DNM2: variants seen among roughly 807,000 people sequenced by gnomAD.
The protein encoded by DNM2 is dynamin 2, also known as dynamin-2.
DNM2 carries 15 observed loss-of-function variants against 99.0 expected under a neutral mutation model. The observed-to-expected ratio is 0.15, with a 90% CI of 0.10 to 0.23. DNM2 has a LOEUF of 0.23. Among genes scored for constraint, DNM2 ranks in the 10% least tolerant of loss-of-function variants. DNM2 has a pLI of 1.00. For synonymous variants in DNM2, 525 were observed against 481.2 expected, an observed-to-expected ratio of 1.09 and a Z score of -1.19; for missense variants, 742 against 1,189.4, an observed-to-expected ratio of 0.62 and a Z score of 5.53.
intron 8 of DNM2, 100 bp downstream of exon 8, chr19:10,793,955 A>G: frequency 5.0e-6 from 8 of 1,594,698 alleles, no homozygotes; most frequent in Admixed American, 1.7e-5. Flanking sequence ...TCAAGCTCCT[A>G]CCTCTAGGCC....
chr19:10,733,704 T>C (rs1482574055), intron 1 of DNM2, among the ~76,000 whole-genome samples: 1 of 151,394 alleles, frequency 6.6e-6, no homozygotes, highest in Non-Finnish European at 1.5e-5. Flanking sequence ...CATAACCTCT[T>C]CTCTAAAAAT....
intron 1 of DNM2, among the ~76,000 whole-genome samples, chr19:10,733,360 T>G (rs929607091): frequency 1.3e-5 from 2 of 151,584 alleles, no homozygotes; most frequent in Non-Finnish European, 2.9e-5. Flanking sequence ...GCCGGCATTT[T>G]TTTTTTATTT....
chr19:10,825,991 T>C (rs1048938698), intron 18 of DNM2, among the ~76,000 whole-genome samples: 5 of 147,052 alleles, frequency 3.4e-5, no homozygotes, highest in Middle Eastern at 4.2e-3. Context: ...GCTATGATCA[T>C]GCCACTGCAC....
chr19:10,819,947 C>T lies in DNM2; in HGVS notation c.1672-33C>T, dbSNP rs199655883. On this transcript the variant is annotated intron_variant, in intron 15 of 20. Transcript: ENST00000389253. Reference sequence around the variant, plus strand: ...GGGCATCCTGAGTTGTCACGTGGACCGCTCAGGGTGACTCTTTTCCCTCCA... The same window carrying T: ...GGGCATCCTGAGTTGTCACGTGGACTGCTCAGGGTGACTCTTTTCCCTCCA... 5.5e-4 allele frequency: 887 copies of T among 1,602,940 alleles called. 1 individual carries two copies. The highest frequency in any genetic ancestry group is 1.9e-3 in the Admixed American group (114 of 60,000).
intron 1 of DNM2, among the ~76,000 whole-genome samples, chr19:10,737,656 T>C (rs2069578801): frequency 6.6e-6 from 1 of 152,176 alleles, no homozygotes. Context: ...CGTATATTTT[T>C]GTATTTTTAG....
chr19:10,816,119 G>A lies in DNM2; in HGVS notation c.1671+3742G>A, dbSNP rs548919793. Among the ~76,000 whole-genome samples, 2 of 152,200 alleles carry A rather than the reference G, an allele frequency of 1.3e-5. No homozygotes were observed. Among genetic ancestry groups the A allele is most frequent in the East Asian group, 3.9e-4 (2 of 5,156 alleles). ...TTGCCCCACATCATGGAGCGGGGGA[G>A]GGTCCCCCTGGGGTGGAGGCTTCCC... On this transcript the variant is annotated intron_variant, in intron 15 of 20. Transcript: ENST00000389253. The surrounding 1 kb of genome is among the most constrained non-coding windows in gnomAD (Gnocchi z 4.6).
In DNM2 at chr19:10,786,704, G is replaced by A. The variant is rs1386181817; in HGVS notation, c.990G>A (p.Leu330=). Reference sequence around the variant, plus strand: ...CCACCCGCAAAACCAAAGCCCTGCTGCAGTATGTACCCCGGCACCCACCAC... The same window carrying A: ...CCACCCGCAAAACCAAAGCCCTGCTACAGTATGTACCCCGGCACCCACCAC... The part of the protein sequence containing the change: ...DDPTRKTKAL[L]QMVQQFGVDF... Residue 330 remains leucine, a splice_region_variant and synonymous_variant, in exon 7 of 21, where the codon CTG becomes CTA. Coordinates refer to ENST00000389253, the MANE Select transcript of DNM2 (RefSeq NM_001005361.3). 3.1e-6 allele frequency: 5 copies of A among 1,613,950 alleles called. No homozygotes were observed. Among genetic ancestry groups the A allele is most frequent in the Non-Finnish European group, 3.4e-6 (4 of 1,180,020 alleles).
intron 15 of DNM2, among the ~76,000 whole-genome samples, chr19:10,815,267 G>T (rs2072696287): frequency 6.6e-6 from 1 of 152,184 alleles, no homozygotes; most frequent in Non-Finnish European, 1.5e-5. Context: ...GGAAAGAAGG[G>T]CCTCTGTGTG....
intron 6 of DNM2, among the ~76,000 whole-genome samples, chr19:10,786,228 C>T (rs140102080): frequency 6.6e-6 from 1 of 152,228 alleles, no homozygotes; most frequent in Non-Finnish European, 1.5e-5. Flanking sequence ...GGGCCTGTCC[C>T]CATGTGTGTT....
Position 10,795,317 on chromosome 19 carries a change from G to A in DNM2, c.1129-55G>A. The A allele has an allele frequency of 6.3e-7, 1 of 1,587,096 alleles. No individual in the cohort carries two copies. The highest frequency in any genetic ancestry group is 1.1e-5 in the South Asian group (1 of 90,530). On this transcript the variant is annotated intron_variant, in intron 8 of 20. Coordinates refer to ENST00000389253, the MANE Select transcript of DNM2 (RefSeq NM_001005361.3). This position sits in a 1 kb window ranked among gnomAD's most constrained non-coding sequence, Gnocchi z 4.2. ...GAGAACGTTCCCCAGATGCACGCCT[G>A]CCACGGGGGCGCCCCGGGTGCCTCC... is the stretch of plus-strand genomic sequence containing the variant.
chr19:10,757,943 CAAAAAAAAAA>C (rs762600168), intron 1 of DNM2, among the ~76,000 whole-genome samples: 4 of 65,420 alleles, frequency 6.1e-5, no homozygotes, highest in Non-Finnish European at 1.4e-4. Context: ...AGCTCTGTCT[CAAAAAAAAAA>C]AAAAAAAAAA....
chr19:10,814,835 C>G (rs1417193518), intron 15 of DNM2, among the ~76,000 whole-genome samples: 3 of 152,206 alleles, frequency 2.0e-5, no homozygotes, highest in Non-Finnish European at 2.9e-5. Flanking sequence ...CAACCCGTTT[C>G]TTGCTTAATT....
At position 10,829,251 on chromosome 19, in the gene DNM2, G is replaced by A; in HGVS notation, c.2274G>A (p.Gln758=). Residue 758 remains glutamine, a synonymous_variant, in exon 19 of 21, where the codon CAG becomes CAA. Transcript: ENST00000389253. ...VPPPVDDTWL[Q]SASSHSPTPQ... ...CGCCTGTCGATGACACCTGGCTCCA[G>A]AGCGCCAGCAGCCACAGGTCCGGAA... 1 of 1,613,496 alleles carries A rather than the reference G, an allele frequency of 6.2e-7. No individual in the cohort carries two copies. Among genetic ancestry groups the A allele is most frequent in the Non-Finnish European group, 8.5e-7 (1 of 1,179,988 alleles).
chr19:10,800,931 G>C lies in DNM2; in HGVS notation c.1423-1357G>C, dbSNP rs73007578. Among the ~76,000 whole-genome samples, 554 of 152,366 alleles carry C rather than the reference G, an allele frequency of 3.6e-3. 1 individual carries two copies. The highest frequency in any genetic ancestry group is 5.1e-3 in the Non-Finnish European group (344 of 68,040). ...TGTGTGTGCGCGCGTGCACGTGCAC[G>C]TGTGTGTTTTATTTTAGTGTTCATA... On this transcript the variant is annotated intron_variant, in intron 11 of 20. Transcript: ENST00000389253.
intron 17 of DNM2, 174 bp from the exon 18 acceptor site, chr19:10,824,883 C>T: frequency 1.1e-6 from 1 of 940,140 alleles, no homozygotes; most frequent in Non-Finnish European, 1.6e-6. Context: ...CAGGGTCACC[C>T]CATTGTTTGG....
At chr19:10,748,278 G>A (rs1009436156) in intron 1 of DNM2, among the ~76,000 whole-genome samples, 7 of 152,154 alleles carry the variant, frequency 4.6e-5, no homozygotes, top group South Asian at 2.1e-4. Context: ...AGTGGGACAC[G>A]CTGACAGCCT....
At chr19:10,808,717 C>T (rs1392534777) in intron 14 of DNM2, 137 bp downstream of exon 14, 1 of 1,136,666 alleles carries the variant, frequency 8.8e-7, no homozygotes, top group Admixed American at 2.1e-5. Context: ...CTGGAAACCC[C>T]ATGCCGCAGC....
intron 1 of DNM2, among the ~76,000 whole-genome samples, chr19:10,735,748 TA>T (rs2069501344): frequency 6.6e-6 from 1 of 151,888 alleles, no homozygotes; most frequent in African/African-American, 2.4e-5. Context: ...TAGACTCATG[TA>T]ATAATCCTCT....
Position 10,831,721 on chromosome 19 carries a change from G to A in DNM2, c.*674G>A. On this transcript the variant is annotated 3_prime_UTR_variant, in exon 21 of 21. Transcript: ENST00000389253. This position sits in a 1 kb window ranked among gnomAD's most constrained non-coding sequence, Gnocchi z 4.3. Reference sequence around the variant, plus strand: ...CAGGGTGGCTGGGCTTGGGCTATGTGGGTGGTGGTGGCGGGGGGTCTTGGG... The same window carrying A: ...CAGGGTGGCTGGGCTTGGGCTATGTAGGTGGTGGTGGCGGGGGGTCTTGGG... 4.1e-6 allele frequency: 4 copies of A among 986,386 alleles called. No homozygotes were observed. Among genetic ancestry groups the A allele is most frequent in the African/African-American group, 1.7e-5 (1 of 57,350 alleles). The allele number at this position is 986,386 out of a possible 1,614,324, so 61.1% of individuals were successfully genotyped here.
Sources: allele counts gnomAD v4.1 joint callset (sites outside exome capture counted in the v4.1 genomes callset), GRCh38; gene constraint gnomAD v4.1.1; non-coding constraint Gnocchi (gnomAD v3.1); transcripts MANE v1.5; gene names NCBI Gene and HGNC (gene_info 2026-07-23, HGNC 2026-07-21).